The following PADI4 variants were observed in gnomAD, a reference collection of about 807,000 sequenced individuals.
PADI4 encodes the protein peptidyl arginine deiminase 4, also known as protein-arginine deiminase type-4.
PADI4 carries 62 observed loss-of-function variants against 75.0 expected under a neutral mutation model. That is an observed-to-expected ratio of 0.83 (90% CI 0.67 to 1.02). PADI4 has a LOEUF of 1.02. Among genes scored for constraint, PADI4 ranks in the 50% least tolerant of loss-of-function variants. The pLI is 0.00. For synonymous variants in PADI4, 361 were observed against 348.1 expected, an observed-to-expected ratio of 1.04 and a Z score of -0.41; for missense variants, 845 against 850.5, an observed-to-expected ratio of 0.99 and a Z score of 0.08.
intron 3 of PADI4, chr1:17,334,699 A>G (rs2100714638): frequency 2.2e-6 from 1 of 449,692 alleles, no homozygotes; most frequent in East Asian, 7.0e-5. Context: ...AAATTCCATT[A>G]TTTATATCTC....
At chr1:17,329,054 T>G (rs1422301503) in intron 1 of PADI4, among the ~76,000 whole-genome samples, 1 of 142,466 alleles carries the variant, frequency 7.0e-6, no homozygotes, top group East Asian at 1.9e-4. Flanking sequence ...TATAATTTAT[T>G]AATAAAATAT....
At chr1:17,324,140 A>C (rs914719189) in intron 1 of PADI4, among the ~76,000 whole-genome samples, 7 of 143,430 alleles carry the variant, frequency 4.9e-5, no homozygotes, top group African/African-American at 1.8e-4. Context: ...AATAACACCA[A>C]GTTGGGTTTT....
At chr1:17,362,648 A>T (rs1250069663) in intron 15 of PADI4, among the ~76,000 whole-genome samples, 1 of 152,068 alleles carries the variant, frequency 6.6e-6, no homozygotes, top group Non-Finnish European at 1.5e-5. Flanking sequence ...TAATCAATAT[A>T]CCCATGTAAT....
At position 17,358,489 on chromosome 1, in the gene PADI4, C is replaced by T. The variant is rs1337846950; in HGVS notation, c.1559-349C>T. Among the ~76,000 whole-genome samples the T allele has an allele frequency of 1.2e-4, 6 of 49,938 alleles. 2 individuals carry two copies. The East Asian group carries it at 3.5e-3, about 29-fold the overall frequency. 32.8% of individuals were successfully genotyped at this position (49,938 alleles called of 152,430 possible). A position where few individuals can be genotyped will look rare whatever the true frequency, so the allele number is the denominator to read the frequency against. Reference sequence around the variant, plus strand: ...GGCTGAGGCAGGAGAATGGCGTGAACTCCAGGGGGCGGAGCCTGCAGTGAG... The same window carrying T: ...GGCTGAGGCAGGAGAATGGCGTGAATTCCAGGGGGCGGAGCCTGCAGTGAG... On this transcript the variant is annotated intron_variant, in intron 13 of 15. Coordinates refer to ENST00000375448, the MANE Select transcript of PADI4 (RefSeq NM_012387.3).
At chr1:17,341,206 C>A (rs2074413225) in intron 6 of PADI4, among the ~76,000 whole-genome samples, 1 of 151,468 alleles carries the variant, frequency 6.6e-6, no homozygotes, top group Non-Finnish European at 1.5e-5. Context: ...TCAAGCAATT[C>A]TCCTGCCTCA....
intron 11 of PADI4, 131 bp downstream of exon 11, chr1:17,354,818 G>A (rs1385726805): frequency 5.7e-6 from 5 of 878,934 alleles, no homozygotes; most frequent in African/African-American, 1.7e-5. Flanking sequence ...GAGTGTGAGA[G>A]GAATCCAAGC....
Position 17,342,048 on chromosome 1 carries a change from C to T in PADI4, c.758C>T (p.Ala253Val), listed in dbSNP as rs756075930. 8 of 1,613,950 alleles carry T rather than the reference C, an allele frequency of 5.0e-6. No individual in the cohort carries two copies. The highest frequency in any genetic ancestry group is 1.7e-5 in the Admixed American group (1 of 60,022). The change falls in exon 7 of 16, where the codon GCC becomes GTC. Residue 253 changes from alanine (A) to valine (V), a missense_variant. By Grantham distance (64) the Ala-to-Val change is moderately conservative. Coordinates refer to ENST00000375448, the MANE Select transcript of PADI4 (RefSeq NM_012387.3). Reference sequence around the variant, plus strand: ...CACAACATGGACTTCTACGTGGAGGCCCTCGCTTTCCCGGACACCGACTTC... The same window carrying T: ...CACAACATGGACTTCTACGTGGAGGTCCTCGCTTTCCCGGACACCGACTTC... ...GKHNMDFYVEALAFPDTDFPG... is the reference protein window; with the variant it reads ...GKHNMDFYVEVLAFPDTDFPG...
chr1:17,327,459 T>A (rs1204894), intron 1 of PADI4, among the ~76,000 whole-genome samples: 98,762 of 152,006 alleles, frequency 0.65, 32,228 homozygotes, highest in Non-Finnish European at 0.67. Flanking sequence ...TTTCTTATAA[T>A]CAGTATATTA....
intron 10 of PADI4, among the ~76,000 whole-genome samples, chr1:17,353,677 C>G (rs1365900693): frequency 2.0e-5 from 3 of 152,108 alleles, no homozygotes; most frequent in Non-Finnish European, 2.9e-5. Flanking sequence ...AGGGACTTTG[C>G]TGAATGTAAT....
chr1:17,354,547 C>T lies in PADI4; in HGVS notation c.1170C>T (p.Gly390=). The T allele has an allele frequency of 6.2e-7, 1 of 1,614,092 alleles. No individual in the cohort carries two copies. The highest frequency in any genetic ancestry group is 1.1e-5 in the South Asian group (1 of 91,080). Residue 390 remains glycine, a synonymous_variant, in exon 11 of 16, where the codon GGC becomes GGT. Transcript: ENST00000375448. ...TCCTATCTCAGGGTCCAGATTTTGG[C>T]TATGTAACTCGAGGGCCCCAAACAG... ...PIKRVMGPDF[G]YVTRGPQTGG...
At chr1:17,352,279 G>T (rs928666829) in intron 10 of PADI4, among the ~76,000 whole-genome samples, 1 of 151,494 alleles carries the variant, frequency 6.6e-6, no homozygotes, top group Admixed American at 6.6e-5. Flanking sequence ...GGAGGAGATG[G>T]GGGGCAGTAG....
rs2100248948 is a variant in PADI4, at chr1:17,356,791, C to T, written c.1558+332C>T. ...GTAGGGGTTGGCTGGGCAAACGGGG[C>T]AGGGAAATGAGAGGAAGAGAGATAC... On this transcript the variant is annotated intron_variant, in intron 13 of 15. Transcript: ENST00000375448. This position sits in a 1 kb window ranked among gnomAD's most constrained non-coding sequence, Gnocchi z 4.1. 1.4e-5 allele frequency among the ~76,000 whole-genome samples: 2 copies of T among 142,846 alleles called. No homozygotes were observed. The highest frequency in any genetic ancestry group is 3.8e-3 in the Middle Eastern group (1 of 260). The allele number at this position is 142,846 out of a possible 152,430, so 93.7% of individuals were successfully genotyped here.
intron 1 of PADI4, among the ~76,000 whole-genome samples, chr1:17,323,301 A>G (rs10888024): frequency 0.56 from 84,722 of 151,964 alleles, 23,811 homozygotes; most frequent in East Asian, 0.59. Context: ...TTGTAACCTT[A>G]TGACAGAAGT....
intron 1 of PADI4, among the ~76,000 whole-genome samples, chr1:17,313,431 G>A (rs1156282969): frequency 1.3e-5 from 2 of 149,176 alleles, no homozygotes; most frequent in Non-Finnish European, 3.0e-5. Flanking sequence ...AACCTGGGAG[G>A]CGGAGGCTGC....
At chr1:17,357,216 G>A (rs1331338440) in intron 13 of PADI4, among the ~76,000 whole-genome samples, 2 of 152,196 alleles carry the variant, frequency 1.3e-5, no homozygotes, top group African/African-American at 2.4e-5. Context: ...TGCCCAGGCT[G>A]GAGTGCAATG....
Position 17,338,039 on chromosome 1 carries a change from G to C in PADI4, c.410G>C (p.Arg137Thr). Residue 137 changes from arginine (R) to threonine (T), a missense_variant and splice_region_variant, in exon 5 of 16, where the codon AGG becomes ACG. Coordinates refer to ENST00000375448, the MANE Select transcript of PADI4 (RefSeq NM_012387.3). ...TGACTCTTCCCTGCTGGTGTCCAGA[G>C]GACCTGGACCTGGGGCCCTTGTGGA... ...VKPTRAVKDQ[R>T]TWTWGPCGQG... is the part of the protein sequence containing the mutation. 1 of 1,596,658 alleles carries C rather than the reference G, an allele frequency of 6.3e-7. No individual in the cohort carries two copies. Among genetic ancestry groups the C allele is most frequent in the Non-Finnish European group, 8.6e-7 (1 of 1,164,054 alleles).
chr1:17,334,074 A>T lies in PADI4; in HGVS notation c.340+65A>T, dbSNP rs564409663. The T allele has an allele frequency of 3.2e-4, 330 of 1,016,344 alleles. 5 individuals carry two copies. In the South Asian group the frequency reaches 4.0e-3, roughly 12 times the overall value. The allele number at this position is 1,016,344 out of a possible 1,614,324, so 63.0% of individuals were successfully genotyped here. ...CTGCCCACCTCCTAATCCCTGCAGG[A>T]TGTCTCTGTAGGAGAAACTACACCT... On this transcript the variant is annotated intron_variant, in intron 3 of 15. Coordinates refer to ENST00000375448, the MANE Select transcript of PADI4 (RefSeq NM_012387.3).
At chr1:17,357,927 TCTC>T (rs1353732062) in intron 13 of PADI4, among the ~76,000 whole-genome samples, 2 of 78,064 alleles carry the variant, frequency 2.6e-5, no homozygotes, top group Non-Finnish European at 4.6e-5. Context: ...CAAGACTCAG[TCTC>T]AAAAAAAAAA....
chr1:17,316,705 A>AT (rs1310398288), intron 1 of PADI4, among the ~76,000 whole-genome samples: 299 of 147,570 alleles, frequency 2.0e-3, no homozygotes, highest in African/African-American at 4.4e-3. Flanking sequence ...AAATAAATAA[A>AT]TAAATTAATT....
Sources: allele counts gnomAD v4.1 joint callset (sites outside exome capture counted in the v4.1 genomes callset), GRCh38; gene constraint gnomAD v4.1.1; non-coding constraint Gnocchi (gnomAD v3.1); transcripts MANE v1.5; gene names NCBI Gene and HGNC (gene_info 2026-07-23, HGNC 2026-07-21).